Variants in ESRRG observed in about 807,000 individuals in gnomAD.
The protein encoded by ESRRG is estrogen-related receptor gamma.
A neutral mutation model predicts 44.0 loss-of-function variants in ESRRG; 13 were observed. That is an observed-to-expected ratio of 0.30 (90% CI 0.19 to 0.47). The LOEUF (loss-of-function observed/expected upper bound fraction) is 0.47. Ranked by LOEUF, ESRRG falls within the 20% of genes least tolerant of loss-of-function variation. ESRRG has a pLI of 1.00. For missense variants in ESRRG, 395 were observed against 580.6 expected (o/e 0.68, Z 3.29); for synonymous variants, 215 against 214.6 (o/e 1.00, Z -0.02).
chr1:216,966,423 A>C (rs1222491504), intron 1 of ESRRG, among the ~76,000 whole-genome samples: 1 of 152,182 alleles, frequency 6.6e-6, no homozygotes, highest in Non-Finnish European at 1.5e-5. Context: ...ACTTATCTTC[A>C]CTATTCCCAA....
upstream of ESRRG, among the ~76,000 whole-genome samples, chr1:216,725,952 A>G (rs925929856): frequency 6.6e-6 from 1 of 152,166 alleles, no homozygotes; most frequent in Non-Finnish European, 1.5e-5. Context: ...CAAGTCACCA[A>G]ATGTCGTACA....
At chr1:216,672,306 T>C (rs1198154905) in intron 2 of ESRRG, among the ~76,000 whole-genome samples, 1 of 152,208 alleles carries the variant, frequency 6.6e-6, no homozygotes, top group Non-Finnish European at 1.5e-5. Flanking sequence ...CCCAACTAAA[T>C]GCTGACATAA....
intron 2 of ESRRG, among the ~76,000 whole-genome samples, chr1:216,771,755 A>G (rs1234731157): frequency 6.6e-6 from 1 of 151,002 alleles, no homozygotes; most frequent in Non-Finnish European, 1.5e-5. Context: ...TTTTCCTGTG[A>G]TAGCATTAGA....
chr1:216,917,157 T>TC (rs2061295417), intron 2 of ESRRG, among the ~76,000 whole-genome samples: 1 of 147,008 alleles, frequency 6.8e-6, no homozygotes, highest in Non-Finnish European at 1.5e-5. Context: ...AAATAGACTT[T>TC]CTTTTTTTTT....
chr1:216,610,542 G>T (rs2060507563), intron 3 of ESRRG, among the ~76,000 whole-genome samples: 1 of 152,066 alleles, frequency 6.6e-6, no homozygotes, highest in Non-Finnish European at 1.5e-5. Context: ...GAAACAAGTT[G>T]CCTAAAGCAC....
intron 1 of ESRRG, among the ~76,000 whole-genome samples, chr1:217,120,367 T>A (rs2092803180): frequency 1.3e-5 from 2 of 151,998 alleles, no homozygotes; most frequent in Non-Finnish European, 2.9e-5. Context: ...ATTAATTCAA[T>A]ATATCAGAAT....
chr1:216,536,885 A>C (rs1033674658), intron 5 of ESRRG, among the ~76,000 whole-genome samples: 3 of 152,030 alleles, frequency 2.0e-5, no homozygotes, highest in Non-Finnish European at 4.4e-5. Context: ...ATAATACTGC[A>C]ATAGAGAAAC....
intron 3 of ESRRG, among the ~76,000 whole-genome samples, chr1:216,579,492 T>G (rs2062325189): frequency 6.6e-6 from 1 of 152,104 alleles, no homozygotes; most frequent in African/African-American, 2.4e-5. Flanking sequence ...TGAAGTAGGG[T>G]GAAGTCCATA....
intron 3 of ESRRG, among the ~76,000 whole-genome samples, chr1:216,593,948 G>T (rs981270608): frequency 5.3e-5 from 8 of 152,066 alleles, no homozygotes; most frequent in Non-Finnish European, 8.8e-5. Context: ...GCCCAGGCTG[G>T]TGTCAAACTC....
chr1:216,715,887 G>A (rs1384772250), intron 1 of ESRRG, among the ~76,000 whole-genome samples: 7 of 151,942 alleles, frequency 4.6e-5, no homozygotes, highest in Non-Finnish European at 1.0e-4. Flanking sequence ...TAGAGTAGAT[G>A]AAAAAGGAAT....
At chr1:216,972,500 A>G (rs191117165) in intron 1 of ESRRG, among the ~76,000 whole-genome samples, 10 of 152,326 alleles carry the variant, frequency 6.6e-5, no homozygotes, top group African/African-American at 2.2e-4. Flanking sequence ...TATACAAACT[A>G]TAATCCATAC....
At chr1:216,584,512 T>C (rs12140540) in intron 3 of ESRRG, among the ~76,000 whole-genome samples, 30,039 of 151,890 alleles carry the variant, frequency 0.2, 3,715 homozygotes, top group Non-Finnish European at 0.28. Flanking sequence ...CACCTCGGCC[T>C]CCCAAAGTGC....
intron 6 of ESRRG, among the ~76,000 whole-genome samples, chr1:216,518,714 G>C (rs2045148836): frequency 6.6e-6 from 1 of 152,138 alleles, no homozygotes; most frequent in Non-Finnish European, 1.5e-5. Flanking sequence ...ACTGTTCTTT[G>C]ATAACCAAAA....
intron 2 of ESRRG, among the ~76,000 whole-genome samples, chr1:216,750,485 T>C (rs2152290875): frequency 1.3e-5 from 2 of 152,310 alleles, no homozygotes; most frequent in Non-Finnish European, 2.9e-5. Context: ...TGATTATGAA[T>C]GGCTGTTCTT....
intron 1 of ESRRG, among the ~76,000 whole-genome samples, chr1:216,975,696 AATAGGTAG>A (rs1399011440): frequency 6.6e-6 from 1 of 152,312 alleles, no homozygotes; most frequent in East Asian, 1.9e-4. Context: ...ACTAGAGAAA[AATAGGTAG>A]TCTGGGATCT....
At chr1:216,513,883 G>A (rs1022547795) in intron 6 of ESRRG, among the ~76,000 whole-genome samples, 2 of 152,102 alleles carry the variant, frequency 1.3e-5, no homozygotes, top group African/African-American at 4.8e-5. Context: ...GTGGTGAATA[G>A]TTCAACATTT....
In ESRRG at chr1:216,576,337, C is replaced by T. The variant is rs1573367944; in HGVS notation, c.590-8239G>A. Among the ~76,000 whole-genome samples, 10 of 145,760 alleles carry T rather than the reference C, an allele frequency of 6.9e-5. No homozygotes were observed. In the South Asian group the frequency reaches 2.2e-3, roughly 32 times the overall value. On this transcript the variant is annotated intron_variant, in intron 3 of 6. Coordinates refer to ENST00000408911, the MANE Select transcript of ESRRG (RefSeq NM_001438.4). ...AGAAAATGCATATCCATTAGGAGGGCTTTTTTTTTTTTTTAAACAGAGTCC... is the reference window on the plus strand; with the variant it reads ...AGAAAATGCATATCCATTAGGAGGGTTTTTTTTTTTTTTTAAACAGAGTCC...
At chr1:216,621,460 G>A (rs532712634) in intron 3 of ESRRG, among the ~76,000 whole-genome samples, 1 of 152,300 alleles carries the variant, frequency 6.6e-6, no homozygotes, top group East Asian at 1.9e-4. Flanking sequence ...AGGAGATGGA[G>A]AAAGATCTTA....
chr1:217,036,459 T>C (rs1190684341), intron 1 of ESRRG, among the ~76,000 whole-genome samples: 2 of 152,182 alleles, frequency 1.3e-5, no homozygotes, highest in East Asian at 3.9e-4. Context: ...GTGGTACATA[T>C]ACATCATGGA....
Sources: gnomAD v4.1 joint callset for allele counts (sites outside exome capture counted in the v4.1 genomes callset) on GRCh38, gnomAD v4.1.1 for gene constraint, MANE v1.5 for transcripts, NCBI Gene and HGNC (gene_info 2026-07-23, HGNC 2026-07-21) for gene names.